Variants in CCSER1 observed in about 807,000 individuals in gnomAD.
CCSER1 encodes coiled-coil serine rich protein 1.
CCSER1 carries 41 observed loss-of-function variants against 82.0 expected under a neutral mutation model. That is an observed-to-expected ratio of 0.50 (90% CI 0.39 to 0.65). The LOEUF is 0.65. Ranked by LOEUF, CCSER1 falls within the 30% of genes least tolerant of loss-of-function variation. CCSER1 has a pLI of 0.00. For missense variants in CCSER1, 1,119 were observed against 1,064.2 expected, an observed-to-expected ratio of 1.05 and a Z score of -0.72; for synonymous variants, 414 against 383.9, an observed-to-expected ratio of 1.08 and a Z score of -0.92.
chr4:91,093,282 A>G (rs4692961), intron 10 of CCSER1, among the ~76,000 whole-genome samples: 100,290 of 152,076 alleles, frequency 0.66, 33,529 homozygotes, highest in East Asian at 0.95. Flanking sequence ...GATGCCCATG[A>G]CTGGTCTCGA....
intron 10 of CCSER1, among the ~76,000 whole-genome samples, chr4:91,120,499 G>A (rs909132456): frequency 6.6e-6 from 1 of 151,950 alleles, no homozygotes; most frequent in Non-Finnish European, 1.5e-5. Context: ...TGAGTGGAAG[G>A]GCTAACTGTA....
chr4:90,441,535 C>A (rs184284054), intron 4 of CCSER1, among the ~76,000 whole-genome samples: 1 of 152,064 alleles, frequency 6.6e-6, no homozygotes, highest in Non-Finnish European at 1.5e-5. Flanking sequence ...CTTGTCTACA[C>A]CTGATTATCT....
intron 5 of CCSER1, among the ~76,000 whole-genome samples, chr4:90,541,321 G>A (rs991045910): frequency 6.6e-6 from 1 of 152,034 alleles, no homozygotes; most frequent in Non-Finnish European, 1.5e-5. Context: ...TGCTCATTAA[G>A]ATTATAATAA....
At chr4:90,894,438 C>T (rs923093652) in intron 8 of CCSER1, among the ~76,000 whole-genome samples, 3 of 151,998 alleles carry the variant, frequency 2.0e-5, no homozygotes, top group African/African-American at 7.2e-5. Flanking sequence ...AATGCCGAGG[C>T]AACAAATACT....
chr4:90,543,719 A>G (rs2153636991), intron 5 of CCSER1, among the ~76,000 whole-genome samples: 1 of 152,264 alleles, frequency 6.6e-6, no homozygotes, highest in South Asian at 2.1e-4. Flanking sequence ...CTTTAACTGC[A>G]CCTGTAAGCC....
intron 7 of CCSER1, among the ~76,000 whole-genome samples, chr4:90,773,566 TC>T: frequency 6.6e-6 from 1 of 152,292 alleles, no homozygotes; most frequent in South Asian, 2.1e-4. Context: ...TCAAATACCT[TC>T]CCACCTCCTC....
rs566518811 is a variant in CCSER1 at position 91,563,105 on chromosome 4, A to T, written c.2218-35467A>T. Reference sequence around the variant, plus strand: ...GCTTTATTTTTAAGTTCTACCAAACATTTATGCCAGTCCTTCTCAAATGGT... The same window carrying T: ...GCTTTATTTTTAAGTTCTACCAAACTTTTATGCCAGTCCTTCTCAAATGGT... On this transcript the variant is annotated intron_variant, in intron 10 of 10. Coordinates refer to ENST00000509176, the MANE Select transcript of CCSER1 (RefSeq NM_001145065.2). Among the ~76,000 whole-genome samples the T allele has an allele frequency of 8.6e-5, 13 of 151,808 alleles. No homozygotes were observed. In the South Asian group the frequency reaches 1.7e-3, roughly 19 times the overall value.
chr4:90,412,847 A>G (rs1441136742), intron 4 of CCSER1, among the ~76,000 whole-genome samples: 1 of 152,226 alleles, frequency 6.6e-6, no homozygotes, highest in Non-Finnish European at 1.5e-5. Flanking sequence ...GAACTGGAAC[A>G]AGACAAAGAT....
chr4:91,120,612 C>T (rs1727002661), intron 10 of CCSER1, among the ~76,000 whole-genome samples: 1 of 151,782 alleles, frequency 6.6e-6, no homozygotes, highest in South Asian at 2.1e-4. Context: ...AAAATTCTTC[C>T]TACTTAATTC....
At chr4:90,861,927 T>TATATATATA (rs796104595) in intron 8 of CCSER1, among the ~76,000 whole-genome samples, 6 of 74,442 alleles carry the variant, frequency 8.1e-5, no homozygotes, top group East Asian at 7.4e-4. Flanking sequence ...TATATATATA[T>TATATATATA]TTTTTTTTTC....
chr4:90,949,486 C>T (rs973430548), intron 9 of CCSER1, among the ~76,000 whole-genome samples: 1 of 151,976 alleles, frequency 6.6e-6, no homozygotes, highest in Non-Finnish European at 1.5e-5. Flanking sequence ...TTTGTTGTCA[C>T]TACAGTGAGT....
chr4:90,555,631 CTG>C (rs1778041813), intron 5 of CCSER1, among the ~76,000 whole-genome samples: 1 of 151,972 alleles, frequency 6.6e-6, no homozygotes, highest in South Asian at 2.1e-4. Flanking sequence ...CACAGAATAA[CTG>C]TGTGTAAATG....
chr4:91,301,834 T>C (rs1744693108), intron 10 of CCSER1, among the ~76,000 whole-genome samples: 1 of 152,028 alleles, frequency 6.6e-6, no homozygotes, highest in Admixed American at 6.6e-5. Flanking sequence ...AACAGGGCTC[T>C]GTGAATGGTG....
chr4:90,542,322 C>T lies in CCSER1; in HGVS notation c.1724+73968C>T, dbSNP rs530418143. On this transcript the variant is annotated intron_variant, in intron 5 of 10. Transcript: ENST00000509176. The stretch of plus-strand genomic sequence containing the variant: ...GGACTGTCAGATCCCATTAGGTTTG[C>T]GGATAATATTCTGCAGATGAGATGA... Among the ~76,000 whole-genome samples the T allele has an allele frequency of 6.2e-4, 94 of 152,066 alleles. No individual in the cohort carries two copies. The South Asian group carries it at 9.8e-3, about 16-fold the overall frequency.
At chr4:90,390,121 T>C (rs1009651629) in intron 3 of CCSER1, among the ~76,000 whole-genome samples, 3 of 152,182 alleles carry the variant, frequency 2.0e-5, no homozygotes, top group African/African-American at 7.2e-5. Context: ...TAGAAGGCAG[T>C]ATGTTTGGCT....
At chr4:91,555,792 T>C (rs1201358172) in intron 10 of CCSER1, among the ~76,000 whole-genome samples, 1 of 151,232 alleles carries the variant, frequency 6.6e-6, no homozygotes, top group Non-Finnish European at 1.5e-5. Flanking sequence ...TGGAGTACAG[T>C]AAAATAACAT....
At chr4:91,457,274 T>C (rs1471397527) in intron 10 of CCSER1, among the ~76,000 whole-genome samples, 1 of 152,138 alleles carries the variant, frequency 6.6e-6, no homozygotes, top group Non-Finnish European at 1.5e-5. Flanking sequence ...AAATACATGT[T>C]TTAACATTGT....
intron 10 of CCSER1, among the ~76,000 whole-genome samples, chr4:91,344,379 A>T (rs1747916003): frequency 6.6e-6 from 1 of 152,228 alleles, no homozygotes; most frequent in South Asian, 2.1e-4. Flanking sequence ...AGACTTCGGC[A>T]TAATAATTAT....
rs911204011 is a variant in CCSER1 at position 91,603,430 on chromosome 4, C to A, written c.*4373C>A. ...ATGATAACACTCTGTGGTTGAATTA[C>A]CTATGGAAAAGAATGAAGGCAGTTC... On this transcript the variant is annotated 3_prime_UTR_variant, in exon 11 of 11. Transcript: ENST00000509176. The A allele has an allele frequency of 6.6e-6, 1 of 152,000 alleles. No individual in the cohort carries two copies. Among genetic ancestry groups the A allele is most frequent in the African/African-American group, 2.4e-5 (1 of 41,396 alleles). 9.4% of individuals were successfully genotyped at this position (152,000 alleles called of 1,614,324 possible).
Sources: allele counts gnomAD v4.1 joint callset (sites outside exome capture counted in the v4.1 genomes callset), GRCh38; gene constraint gnomAD v4.1.1; transcripts MANE v1.5; gene names NCBI Gene and HGNC (gene_info 2026-07-23, HGNC 2026-07-21).